The following AHCTF1 variants were observed in gnomAD, a reference collection of about 807,000 sequenced individuals.
The protein encoded by AHCTF1 is protein ELYS.
A neutral mutation model predicts 248.4 loss-of-function variants in AHCTF1; 24 were observed. The observed-to-expected ratio is 0.10, with a 90% confidence interval of 0.07 to 0.14. The LOEUF (loss-of-function observed/expected upper bound fraction) is 0.14, where lower values mean the gene tolerates loss of function less well. AHCTF1 is among the 10% of genes least tolerant of loss of function. The probability of loss-of-function intolerance (pLI) is 1.00; values close to 1 mark genes in which losing one functional copy is unlikely to be tolerated. For missense variants in AHCTF1, 2,206 were observed against 2,636.2 expected (o/e 0.84, Z 3.57); for synonymous variants, 786 against 929.8 (o/e 0.85, Z 2.81).
rs562355764 is a variant in AHCTF1, at chr1:246,864,069, G to A, written c.3395C>T (p.Ser1132Leu). The change falls in exon 27 of 36, where the codon TCG (serine) becomes TTG (leucine). Residue 1132 changes from serine to leucine, a missense_variant. This residue lies in a region of AHCTF1 where 955 missense variants were observed against 1,055.6 expected (regional missense o/e 0.90). Transcript: ENST00000648844. ...VQPVPRPSQC[S>L]EFIQQSSMKS... Reference sequence around the variant, plus strand: ...CATGGAGCTTTGCTGAATAAACTCCGAACACTGAGAAGGCCGGGGGACAGG... The same window carrying A: ...CATGGAGCTTTGCTGAATAAACTCCAAACACTGAGAAGGCCGGGGGACAGG... The A allele has an allele frequency of 3.0e-5, 49 of 1,614,070 alleles. No homozygotes were observed. Among genetic ancestry groups the A allele is most frequent in the East Asian group, 2.0e-4 (9 of 44,870 alleles).
intron 29 of AHCTF1, among the ~76,000 whole-genome samples, 155 bp from the exon 30 acceptor site, chr1:246,857,969 T>C (rs116163292): frequency 0.036 from 5,510 of 151,710 alleles, 367 homozygotes; most frequent in African/African-American, 0.13. Flanking sequence ...TTCTTCTTTT[T>C]TTTTTTTTGA....
At position 246,853,255 on chromosome 1, in the gene AHCTF1, T is replaced by C. The variant is rs775030950; in HGVS notation, c.4399A>G (p.Ile1467Val). Residue 1467 changes from isoleucine to valine, a missense_variant, in exon 32 of 36, where the codon ATC (isoleucine) becomes GTC (valine). Around this residue, in one of 6 missense-constraint regions of AHCTF1, gnomAD observed 955 missense variants for 1,055.6 expected, o/e 0.90. Coordinates refer to ENST00000648844, the MANE Select transcript of AHCTF1 (RefSeq NM_001323342.2). ...LGDGGNSSLTISEGPIVSERR... is the reference protein window; with the variant it reads ...LGDGGNSSLTVSEGPIVSERR... Reference sequence around the variant, plus strand: ...TCAGAGACAATAGGACCTTCAGAGATAGTGAGCGAGGAGTTTCCACCATCA... The same window carrying C: ...TCAGAGACAATAGGACCTTCAGAGACAGTGAGCGAGGAGTTTCCACCATCA... 1.9e-6 allele frequency: 3 copies of C among 1,613,938 alleles called. No individual in the cohort carries two copies. Among genetic ancestry groups the C allele is most frequent in the East Asian group, 2.2e-5 (1 of 44,864 alleles).
At chr1:246,841,085 A>AGG in intron 35 of AHCTF1, 87 bp from the exon 36 acceptor site, 1 of 1,176,702 alleles carries the variant, frequency 8.5e-7, no homozygotes. Flanking sequence ...GAAAAACCTT[A>AGG]GGGACTGCTT....
rs148129004 is a variant in AHCTF1 at position 246,872,103 on chromosome 1, C to G, written c.3088+3934G>C. Reference sequence around the variant, plus strand: ...GATTCCCAAAAACCTAGGGTGGTCTCTAACTAAATATGGTCATAGATCATC... The same window carrying G: ...GATTCCCAAAAACCTAGGGTGGTCTGTAACTAAATATGGTCATAGATCATC... On this transcript the variant is annotated intron_variant, in intron 24 of 35. Coordinates refer to ENST00000648844, the MANE Select transcript of AHCTF1 (RefSeq NM_001323342.2). Among the ~76,000 whole-genome samples the G allele has an allele frequency of 4.2e-3, 614 of 147,786 alleles. 7 individuals are homozygous for G. Among genetic ancestry groups the G allele is most frequent in the African/African-American group, 0.014 (582 of 40,380 alleles).
Position 246,898,258 on chromosome 1 carries a change from C to T in AHCTF1, c.1573G>A (p.Gly525Ser), listed in dbSNP as rs1189977268. 6.2e-7 allele frequency: 1 copy of T among 1,612,240 alleles called. No individual in the cohort carries two copies. Among genetic ancestry groups the T allele is most frequent in the Non-Finnish European group, 8.5e-7 (1 of 1,179,970 alleles). Residue 525 changes from glycine to serine, a missense_variant, in exon 12 of 36, where the codon GGC becomes AGC. Transcript: ENST00000648844. ...TCAACAAATCTTGGGGAAAGAAGGC[C>T]AGCTACAAGACATCGATTATAACCA... is the stretch of plus-strand genomic sequence containing the variant. ...PDGYNRCLVA[G>S]LLSPRFVDVQ...
intron 4 of AHCTF1, among the ~76,000 whole-genome samples, chr1:246,909,094 T>A (rs1449441075): frequency 6.7e-6 from 1 of 149,562 alleles, no homozygotes; most frequent in Admixed American, 6.7e-5. Context: ...TATCTATCTA[T>A]CTATCTATCT....
chr1:246,877,123 G>T (rs747108992), intron 22 of AHCTF1, 35 bp downstream of exon 22: 3 of 1,612,124 alleles, frequency 1.9e-6, no homozygotes, highest in Non-Finnish European at 2.5e-6. Context: ...AATTTATCTT[G>T]AATTTCTGAC....
chr1:246,913,096 CCT>C, intron 4 of AHCTF1, 134 bp downstream of exon 4: 1 of 717,884 alleles, frequency 1.4e-6, no homozygotes, highest in South Asian at 2.8e-5. Context: ...TTTTAAAATA[CCT>C]TTTTTTTTTT....
chr1:246,890,884 A>C (rs1174651549), intron 16 of AHCTF1, 72 bp downstream of exon 16: 10 of 1,000,432 alleles, frequency 1.0e-5, no homozygotes, highest in Non-Finnish European at 1.2e-5. Context: ...CCAAAGCATT[A>C]GAATACAATA....
intron 1 of AHCTF1, among the ~76,000 whole-genome samples, chr1:246,921,034 G>A (rs1389556465): frequency 2.0e-5 from 3 of 152,126 alleles, no homozygotes; most frequent in African/African-American, 7.2e-5. Context: ...GGAGGTTGCA[G>A]TGAACCAAGA....
Position 246,905,648 on chromosome 1 carries a change from T to C in AHCTF1, c.774A>G (p.Ile258Met). ...CAGGAACTTGTCCACTTTCCAATTGTATGTAATATCTGAAACAAATTAGTA... is the reference window on the plus strand; with the variant it reads ...CAGGAACTTGTCCACTTTCCAATTGCATGTAATATCTGAAACAAATTAGTA... ...NMKSMKREYY[I>M]QLESGQVPVY... The change falls in exon 6 of 36, where the codon ATA becomes ATG. Residue 258 changes from isoleucine (I) to methionine (M), a missense_variant. Ile to Met is a conservative substitution (Grantham distance 10). This residue lies in a region of AHCTF1 where 650 missense variants were observed against 870.8 expected (regional missense o/e 0.75). Transcript: ENST00000648844. 6.2e-7 allele frequency: 1 copy of C among 1,607,754 alleles called. No individual in the cohort carries two copies. The highest frequency in any genetic ancestry group is 8.5e-7 in the Non-Finnish European group (1 of 1,174,494).
intron 31 of AHCTF1, among the ~76,000 whole-genome samples, chr1:246,854,598 T>C (rs561422443): frequency 1.3e-5 from 2 of 152,336 alleles, no homozygotes; most frequent in South Asian, 4.1e-4. Context: ...AGTTGCTTTT[T>C]TGATAATGAT....
intron 12 of AHCTF1, among the ~76,000 whole-genome samples, chr1:246,896,747 G>A (rs1664602235): frequency 6.6e-6 from 1 of 152,162 alleles, no homozygotes; most frequent in African/African-American, 2.4e-5. Flanking sequence ...CTGATATTTT[G>A]AAAATCACTG....
chr1:246,898,553 A>G (rs552913914), intron 11 of AHCTF1, among the ~76,000 whole-genome samples: 1 of 152,062 alleles, frequency 6.6e-6, no homozygotes, highest in African/African-American at 2.4e-5. Context: ...GGTAGCTTAT[A>G]TATTTTTATG....
At chr1:246,847,757 C>G (rs1660386945) in intron 33 of AHCTF1, among the ~76,000 whole-genome samples, 1 of 151,998 alleles carries the variant, frequency 6.6e-6, no homozygotes, top group Non-Finnish European at 1.5e-5. Context: ...TTAGTAGGTA[C>G]AGAAATGAAA....
At position 246,888,466 on chromosome 1, in the gene AHCTF1, T is replaced by A; in HGVS notation, c.2196A>T (p.Leu732Phe). The A allele has an allele frequency of 6.2e-7, 1 of 1,613,658 alleles. No homozygotes were observed. The highest frequency in any genetic ancestry group is 8.5e-7 in the Non-Finnish European group (1 of 1,179,978). ...TCCACAACTTCTCAATTCGCTCTCC[T>A]AACTGAGAAACCAGTCCATCAATCA... Reference protein sequence around the residue: ...CLMIDGLVSQLGERIEKLWKR... With the variant: ...CLMIDGLVSQFGERIEKLWKR... The change falls in exon 18 of 36, where the codon TTA becomes TTT. Residue 732 changes from leucine (L) to phenylalanine (F), a missense_variant. Coordinates refer to ENST00000648844, the MANE Select transcript of AHCTF1 (RefSeq NM_001323342.2).
intron 29 of AHCTF1, among the ~76,000 whole-genome samples, chr1:246,860,274 TAAATA>T (rs1324207601): frequency 3.9e-5 from 6 of 152,076 alleles, no homozygotes; most frequent in African/African-American, 1.4e-4. Flanking sequence ...TCTCAAAAAT[TAAATA>T]AATAAAAATT....
intron 27 of AHCTF1, 110 bp downstream of exon 27, chr1:246,863,814 C>G: frequency 9.1e-7 from 1 of 1,097,344 alleles, no homozygotes; most frequent in East Asian, 2.4e-5. Context: ...TAAAGCATTT[C>G]CCAGCACTCC....
chr1:246,917,023 C>A (rs931021526), intron 2 of AHCTF1, among the ~76,000 whole-genome samples: 11 of 152,082 alleles, frequency 7.2e-5, no homozygotes, highest in Non-Finnish European at 2.9e-5. Context: ...TGGATTTTAC[C>A]CTGCCTGCAA....
Sources: gnomAD v4.1 joint callset for allele counts (sites outside exome capture counted in the v4.1 genomes callset) on GRCh38, gnomAD v4.1.1 for gene constraint, gnomAD v4.1.1 regional missense constraint, MANE v1.5 for transcripts, NCBI Gene and HGNC (gene_info 2026-07-23, HGNC 2026-07-21) for gene names.